Variants in PHLPP1 observed in about 807,000 individuals in gnomAD.
The protein encoded by PHLPP1 is PH domain leucine-rich repeat-containing protein phosphatase 1.
In PHLPP1, 42 loss-of-function variants were observed where a neutral mutation model predicts 117.2. The ratio of observed to expected loss-of-function variants is 0.36; its 90% CI spans 0.28 to 0.46. PHLPP1 has a LOEUF of 0.46. Ranked by LOEUF, PHLPP1 falls within the 20% of genes least tolerant of loss-of-function variation. The pLI is 1.00. For missense variants in PHLPP1, 2,084 were observed against 2,241.9 expected (o/e 0.93, Z 1.42); for synonymous variants, 1,042 against 970.7 (o/e 1.07, Z -1.37).
At chr18:62,932,382 C>T (rs1431934352) in intron 10 of PHLPP1, among the ~76,000 whole-genome samples, 1 of 152,238 alleles carries the variant, frequency 6.6e-6, no homozygotes, top group South Asian at 2.1e-4. Flanking sequence ...AATAAGTAGC[C>T]AGCTGAATTC....
intron 1 of PHLPP1, among the ~76,000 whole-genome samples, chr18:62,795,508 A>AAAG (rs1913604751): frequency 6.6e-6 from 1 of 151,434 alleles, no homozygotes; most frequent in South Asian, 2.1e-4. Flanking sequence ...AAAAAAAAAA[A>AAAG]AAAAACAACA....
intron 1 of PHLPP1, among the ~76,000 whole-genome samples, chr18:62,823,637 T>C (rs1914529408): frequency 6.6e-6 from 1 of 150,666 alleles, no homozygotes; most frequent in Non-Finnish European, 1.5e-5. Flanking sequence ...TATGTAGATA[T>C]ATATAGATAT....
chr18:62,785,767 G>T (rs535238331), intron 1 of PHLPP1, among the ~76,000 whole-genome samples: 42 of 152,318 alleles, frequency 2.8e-4, no homozygotes, highest in South Asian at 4.1e-4. Flanking sequence ...TATGCTGTCG[G>T]TTTAATTTTG....
intron 1 of PHLPP1, among the ~76,000 whole-genome samples, chr18:62,768,402 C>G (rs1035508486): frequency 3.9e-5 from 6 of 152,086 alleles, no homozygotes; most frequent in Non-Finnish European, 5.9e-5. Flanking sequence ...TTATTGAAAA[C>G]AGCTCAACAG....
In PHLPP1 at chr18:62,849,830, A is replaced by ATATATAT. The variant is rs1465429883; in HGVS notation, c.1900-10605_1900-10604insTATATAT. ...AAAAAAAAAAAAAAAAAAAAAAAAA[A>ATATATAT]AAATATATATATCCTTTAAAGTTTA... is the stretch of plus-strand genomic sequence containing the variant. On this transcript the variant is annotated intron_variant, in intron 3 of 16. Transcript: ENST00000262719. Among the ~76,000 whole-genome samples, 41 of 21,188 alleles carry ATATATAT rather than the reference A, an allele frequency of 1.9e-3. 5 individuals are homozygous for ATATATAT. Among genetic ancestry groups the ATATATAT allele is most frequent in the South Asian group, 8.6e-3 (4 of 464 alleles). The allele number at this position is 21,188 out of a possible 152,430, so 13.9% of individuals were successfully genotyped here. A position where few individuals can be genotyped will look rare whatever the true frequency, so the allele number is the denominator to read the frequency against.
At position 62,838,776 on chromosome 18, in the gene PHLPP1, T is replaced by A. The variant is rs1240863502; in HGVS notation, c.1774-8T>A. The A allele has an allele frequency of 6.2e-7, 1 of 1,613,650 alleles. No individual in the cohort carries two copies. The highest frequency in any genetic ancestry group is 8.5e-7 in the Non-Finnish European group (1 of 1,179,688). ...CTTGTTTCTGCTTCTCTCTGTTTGC[T>A]TTTATAGGTAGAAGAAGTGAAAAAG... On this transcript the variant is annotated splice_region_variant and splice_polypyrimidine_tract_variant and intron_variant, in intron 2 of 16. Coordinates refer to ENST00000262719, the MANE Select transcript of PHLPP1 (RefSeq NM_194449.4).
chr18:62,932,857 G>A (rs1177249482), intron 10 of PHLPP1, among the ~76,000 whole-genome samples: 1 of 152,106 alleles, frequency 6.6e-6, no homozygotes, highest in East Asian at 1.9e-4. Context: ...TCTATACCTA[G>A]AAAACCCTAA....
rs1352237346 is a variant in PHLPP1, at chr18:62,895,249, T to C, written c.2213+92T>C. On this transcript the variant is annotated intron_variant, in intron 5 of 16. Coordinates refer to ENST00000262719, the MANE Select transcript of PHLPP1 (RefSeq NM_194449.4). ...GCACATGAGATTAGTTAACTTGTTA[T>C]GTTGCTCATGTAAGTCTTGGCCCCA... 9.2e-6 allele frequency: 12 copies of C among 1,306,476 alleles called. No homozygotes were observed. The South Asian group carries it at 1.1e-4, about 12-fold the overall frequency. 80.9% of individuals were successfully genotyped at this position (1,306,476 alleles called of 1,614,324 possible). A position where few individuals can be genotyped will look rare whatever the true frequency, so the allele number is the denominator to read the frequency against.
intron 4 of PHLPP1, among the ~76,000 whole-genome samples, chr18:62,862,369 C>T (rs1915654669): frequency 6.6e-6 from 1 of 152,060 alleles, no homozygotes; most frequent in Non-Finnish European, 1.5e-5. Context: ...GTGTGAACCA[C>T]TGCGCCCAGC....
chr18:62,725,533 G>A (rs1911043152), intron 1 of PHLPP1, among the ~76,000 whole-genome samples: 1 of 151,974 alleles, frequency 6.6e-6, no homozygotes, highest in Non-Finnish European at 1.5e-5. Flanking sequence ...GAAACAACTT[G>A]TTCAGTATCT....
At chr18:62,975,818 C>G (rs1327405998) in intron 16 of PHLPP1, among the ~76,000 whole-genome samples, 193 bp downstream of exon 16, 1 of 152,226 alleles carries the variant, frequency 6.6e-6, no homozygotes, top group Non-Finnish European at 1.5e-5. Context: ...GGTTGCCTCT[C>G]TGCATCAGGC....
intron 1 of PHLPP1, among the ~76,000 whole-genome samples, chr18:62,794,300 G>C (rs1181517264): frequency 1.3e-5 from 2 of 151,022 alleles, no homozygotes; most frequent in East Asian, 3.9e-4. Context: ...TAGTATATTA[G>C]TCTGCGATTT....
intron 1 of PHLPP1, among the ~76,000 whole-genome samples, chr18:62,787,516 C>T (rs1347411023): frequency 6.6e-6 from 1 of 152,208 alleles, no homozygotes; most frequent in East Asian, 1.9e-4. Flanking sequence ...AGAATAATTC[C>T]TAGTTTAATA....
chr18:62,977,428 CAAAAAAAAAAAAAA>C (rs3087160), intron 16 of PHLPP1, among the ~76,000 whole-genome samples: 1 of 74,236 alleles, frequency 1.3e-5, no homozygotes, highest in Non-Finnish European at 2.6e-5. Flanking sequence ...GTACACGTGG[CAAAAAAAAAAAAAA>C]AAAAAAAAAA....
rs1435848277 is a variant in PHLPP1, at chr18:62,958,771, G to C, written c.3455+12G>C. ...CTGGAACTACTGAAGTAAGTATTCT[G>C]TAAAGCACTGTATCCCCATCATTGT... On this transcript the variant is annotated intron_variant, in intron 13 of 16. Coordinates refer to ENST00000262719, the MANE Select transcript of PHLPP1 (RefSeq NM_194449.4). The C allele has an allele frequency of 1.2e-6, 2 of 1,613,750 alleles. No homozygotes were observed. Among genetic ancestry groups the C allele is most frequent in the Middle Eastern group, 1.7e-4 (1 of 6,060 alleles).
intron 1 of PHLPP1, among the ~76,000 whole-genome samples, chr18:62,747,276 CTTTTT>C (rs564178033): frequency 2.4e-5 from 3 of 123,210 alleles, no homozygotes; most frequent in African/African-American, 3.2e-5. Flanking sequence ...TCTTCATTTC[CTTTTT>C]TTTTTTTTTT....
At chr18:62,798,591 G>T (rs946975232) in intron 1 of PHLPP1, among the ~76,000 whole-genome samples, 1 of 152,198 alleles carries the variant, frequency 6.6e-6, no homozygotes. Flanking sequence ...GAGTTATGTT[G>T]TTGAAGTATT....
chr18:62,827,336 A>G (rs898387281), intron 1 of PHLPP1, among the ~76,000 whole-genome samples: 3 of 152,220 alleles, frequency 2.0e-5, no homozygotes, highest in Non-Finnish European at 2.9e-5. Context: ...ACTGGCAGAC[A>G]TGAGTTACTT....
At chr18:62,733,314 C>T (rs1911277897) in intron 1 of PHLPP1, among the ~76,000 whole-genome samples, 1 of 152,204 alleles carries the variant, frequency 6.6e-6, no homozygotes, top group African/African-American at 2.4e-5. Context: ...TTGCCAAAGG[C>T]TCAGATCATT....
Sources: gnomAD v4.1 joint callset for allele counts (sites outside exome capture counted in the v4.1 genomes callset) on GRCh38, gnomAD v4.1.1 for gene constraint, MANE v1.5 for transcripts, NCBI Gene and HGNC (gene_info 2026-07-23, HGNC 2026-07-21) for gene names.